The following PDE4D variants were observed in gnomAD, a reference collection of about 807,000 sequenced individuals.
PDE4D encodes phosphodiesterase 4D, also known as 3',5'-cyclic-AMP phosphodiesterase 4D.
PDE4D carries 24 observed loss-of-function variants against 87.4 expected under a neutral mutation model. The ratio of observed to expected loss-of-function variants is 0.27; its 90% confidence interval spans 0.20 to 0.39. The LOEUF (loss-of-function observed/expected upper bound fraction) is 0.39. Ranked by LOEUF, PDE4D falls within the 10% of genes least tolerant of loss-of-function variation. The pLI, the probability that PDE4D is intolerant of heterozygous loss-of-function variation, is 1.00. For missense variants in PDE4D, 714 were observed against 1,041.0 expected, an observed-to-expected ratio of 0.69 and a Z score of 4.32; for synonymous variants, 384 against 383.2, an observed-to-expected ratio of 1.00 and a Z score of -0.02.
chr5:60,265,733 G>T (rs1750136594), intron 1 of PDE4D, among the ~76,000 whole-genome samples: 1 of 151,974 alleles, frequency 6.6e-6, no homozygotes, highest in Non-Finnish European at 1.5e-5. Flanking sequence ...ACATAAAAGG[G>T]GCCAGAGTCA....
At chr5:59,668,809 A>G (rs1291033238) in intron 1 of PDE4D, among the ~76,000 whole-genome samples, 12 of 87,814 alleles carry the variant, frequency 1.4e-4, no homozygotes, top group East Asian at 3.6e-4. Flanking sequence ...AGAAGAAAGA[A>G]GAAGAAGAAG....
At chr5:60,334,725 G>A (rs1757593389) in intron 1 of PDE4D, among the ~76,000 whole-genome samples, 1 of 151,420 alleles carries the variant, frequency 6.6e-6, no homozygotes, top group Admixed American at 6.6e-5. Flanking sequence ...ACTCTGAAAG[G>A]GAGGAAACTA....
At chr5:59,500,354 C>T (rs1259217289) in intron 1 of PDE4D, among the ~76,000 whole-genome samples, 1 of 152,132 alleles carries the variant, frequency 6.6e-6, no homozygotes, top group Non-Finnish European at 1.5e-5. Context: ...TGGAATCAAC[C>T]CATATGCCCA....
chr5:59,175,296 A>G (rs1444196549), intron 5 of PDE4D, among the ~76,000 whole-genome samples: 2 of 152,130 alleles, frequency 1.3e-5, no homozygotes, highest in East Asian at 1.9e-4. Context: ...TGAAAACAAA[A>G]TCATAAATGA....
chr5:60,015,387 A>G (rs1401402309), intron 2 of PDE4D, among the ~76,000 whole-genome samples: 1 of 152,194 alleles, frequency 6.6e-6, no homozygotes, highest in Non-Finnish European at 1.5e-5. Context: ...GCTATGAGCT[A>G]GACCTGTGAC....
chr5:59,795,174 T>C (rs953431233), intron 1 of PDE4D, among the ~76,000 whole-genome samples: 6 of 152,256 alleles, frequency 3.9e-5, no homozygotes, highest in African/African-American at 1.4e-4. Context: ...TCAACCTTCC[T>C]GATTAATGAA....
chr5:60,467,975 T>C (rs1416737121), intron 1 of PDE4D, among the ~76,000 whole-genome samples: 1 of 152,126 alleles, frequency 6.6e-6, no homozygotes, highest in African/African-American at 2.4e-5. Flanking sequence ...TGATGTGAGA[T>C]TTGGGTGGGA....
rs1554056662 is a variant in PDE4D, at chr5:59,668,827, AGAAGAG to A, written c.455+224335_455+224340del. On this transcript the variant is annotated intron_variant, in intron 1 of 14. Coordinates refer to ENST00000340635, the MANE Select transcript of PDE4D (RefSeq NM_001104631.2). ...AGAAAGAAGAAGAAGAAGAAGAAGA[AGAAGAG>A]GAAGAGGAAGAGGAAGAAGAAGAAG... Among the ~76,000 whole-genome samples, 43 of 76,944 alleles carry A rather than the reference AGAAGAG, an allele frequency of 5.6e-4. 1 individual carries two copies. The highest frequency in any genetic ancestry group is 4.9e-3 in the Middle Eastern group (1 of 206). The allele number at this position is 76,944 out of a possible 152,430, so 50.5% of individuals were successfully genotyped here. A position where few individuals can be genotyped will look rare whatever the true frequency, so the allele number is the denominator to read the frequency against.
intron 3 of PDE4D, among the ~76,000 whole-genome samples, chr5:59,970,658 T>C (rs1760623138): frequency 6.6e-6 from 1 of 150,630 alleles, no homozygotes; most frequent in Admixed American, 6.6e-5. Flanking sequence ...CACAATGAGA[T>C]ACCATCTCAC....
Position 59,463,926 on chromosome 5 carries a change from C to T in PDE4D, c.456-247958G>A, listed in dbSNP as rs376714853. On this transcript the variant is annotated intron_variant, in intron 1 of 14. Transcript: ENST00000340635. ...TAATCTGTGACCTTACCCCCAACCCCGTGCTCTCTGAAATATGTGCTGTGT... is the reference window on the plus strand; with the variant it reads ...TAATCTGTGACCTTACCCCCAACCCTGTGCTCTCTGAAATATGTGCTGTGT... 2.0e-5 allele frequency among the ~76,000 whole-genome samples: 3 copies of T among 152,256 alleles called. No homozygotes were observed. In the East Asian group the frequency reaches 5.8e-4, roughly 29 times the overall value.
chr5:60,174,378 A>G (rs1174824978), intron 2 of PDE4D, among the ~76,000 whole-genome samples: 1 of 152,154 alleles, frequency 6.6e-6, no homozygotes, highest in Non-Finnish European at 1.5e-5. Flanking sequence ...CGGGAGTGAC[A>G]GAAAGGACTG....
chr5:59,872,038 C>A (rs1336684337), intron 1 of PDE4D, among the ~76,000 whole-genome samples: 1 of 152,072 alleles, frequency 6.6e-6, no homozygotes, highest in Non-Finnish European at 1.5e-5. Flanking sequence ...CTCCACCAAG[C>A]CCACGACTTC....
intron 3 of PDE4D, among the ~76,000 whole-genome samples, chr5:59,925,820 A>G (rs977553360): frequency 1.3e-5 from 2 of 152,222 alleles, no homozygotes; most frequent in African/African-American, 4.8e-5. Flanking sequence ...AGATATAAGA[A>G]TTGTAAATAT....
chr5:60,443,307 G>A (rs1007374618), intron 1 of PDE4D, among the ~76,000 whole-genome samples: 22 of 152,108 alleles, frequency 1.4e-4, no homozygotes, highest in Non-Finnish European at 2.6e-4. Context: ...AAAGAAAAGT[G>A]AACGTTAAGG....
chr5:59,526,915 C>A (rs1278105626), intron 1 of PDE4D, among the ~76,000 whole-genome samples: 3 of 152,206 alleles, frequency 2.0e-5, no homozygotes, highest in African/African-American at 4.8e-5. Context: ...CATGAGCCAC[C>A]AGGCCTGGCC....
At chr5:59,537,958 G>A (rs1262795984) in intron 1 of PDE4D, among the ~76,000 whole-genome samples, 1 of 152,132 alleles carries the variant, frequency 6.6e-6, no homozygotes, top group East Asian at 1.9e-4. Context: ...TGATTACAGG[G>A]AAGTGATTCC....
At chr5:60,132,204 A>T (rs987268424) in intron 2 of PDE4D, among the ~76,000 whole-genome samples, 1 of 152,230 alleles carries the variant, frequency 6.6e-6, no homozygotes, top group African/African-American at 2.4e-5. Context: ...TAGGCTATAT[A>T]AAATATTAGA....
intron 1 of PDE4D, among the ~76,000 whole-genome samples, chr5:59,296,294 G>A (rs917821901): frequency 2.0e-5 from 3 of 152,052 alleles, no homozygotes; most frequent in African/African-American, 7.2e-5. Flanking sequence ...TAACCATACA[G>A]TGGGATTAGT....
At chr5:59,789,140 C>A (rs1469163849) in intron 1 of PDE4D, among the ~76,000 whole-genome samples, 1 of 152,194 alleles carries the variant, frequency 6.6e-6, no homozygotes, top group Non-Finnish European at 1.5e-5. Context: ...AAGCGTCTCC[C>A]AAACTGGGAA....
Sources: allele counts gnomAD v4.1 joint callset (sites outside exome capture counted in the v4.1 genomes callset), GRCh38; gene constraint gnomAD v4.1.1; transcripts MANE v1.5; gene names NCBI Gene and HGNC (gene_info 2026-07-23, HGNC 2026-07-21).